The following NRG3 variants were observed in gnomAD, a reference collection of about 807,000 sequenced individuals.
NRG3 encodes pro-neuregulin-3, membrane-bound isoform.
NRG3 carries 31 observed loss-of-function variants against 66.9 expected under a neutral mutation model. The observed-to-expected ratio is 0.46, with a 90% CI of 0.35 to 0.63. NRG3 has a LOEUF of 0.63. Among genes scored for constraint, NRG3 ranks in the 20% least tolerant of loss-of-function variants. The probability of loss-of-function intolerance (pLI) is 0.00; values close to 1 mark genes in which losing one functional copy is unlikely to be tolerated. For synonymous variants in NRG3, 393 were observed against 359.4 expected (o/e 1.09, Z -1.06); for missense variants, 910 against 878.9 (o/e 1.04, Z -0.45).
At chr10:82,892,869 T>A (rs1186384701) in intron 4 of NRG3, among the ~76,000 whole-genome samples, 1 of 151,938 alleles carries the variant, frequency 6.6e-6, no homozygotes, top group African/African-American at 2.4e-5. Context: ...AATAAAATGT[T>A]TACCTAACTA....
intron 1 of NRG3, among the ~76,000 whole-genome samples, chr10:82,049,213 A>G (rs1346081837): frequency 2.0e-5 from 3 of 152,080 alleles, no homozygotes; most frequent in African/African-American, 4.8e-5. Flanking sequence ...TCTTCAAGTA[A>G]GGCTTTGATA....
chr10:82,397,481 C>G (rs1393999572), intron 2 of NRG3, among the ~76,000 whole-genome samples: 1 of 152,040 alleles, frequency 6.6e-6, no homozygotes, highest in Non-Finnish European at 1.5e-5. Context: ...CATAGTGAGC[C>G]AATTAGGAAG....
chr10:82,384,111 C>T (rs2085814895), intron 2 of NRG3, among the ~76,000 whole-genome samples: 1 of 151,828 alleles, frequency 6.6e-6, no homozygotes, highest in Non-Finnish European at 1.5e-5. Context: ...CACTTAATAC[C>T]TTAATACCAT....
intron 2 of NRG3, among the ~76,000 whole-genome samples, chr10:82,635,929 G>C (rs1417335836): frequency 1.3e-5 from 2 of 152,136 alleles, no homozygotes; most frequent in African/African-American, 4.8e-5. Flanking sequence ...AGTGGTGTCA[G>C]AGTTGAAGTG....
intron 2 of NRG3, among the ~76,000 whole-genome samples, chr10:82,423,614 T>C (rs1374085967): frequency 1.3e-5 from 2 of 151,938 alleles, no homozygotes; most frequent in African/African-American, 2.4e-5. Context: ...TTCATGAAAT[T>C]ATGGTGACAC....
At chr10:82,161,098 TA>T (rs1161911060) in intron 1 of NRG3, among the ~76,000 whole-genome samples, 1 of 151,928 alleles carries the variant, frequency 6.6e-6, no homozygotes. Context: ...AGGGAAGTAT[TA>T]AAAAACTAAG....
rs895727744 is a variant in NRG3 at position 82,530,227 on chromosome 10, G to A, written c.953+171359G>A. On this transcript the variant is annotated intron_variant, in intron 2 of 8. Coordinates refer to ENST00000372141, the MANE Select transcript of NRG3 (RefSeq NM_001010848.4). The stretch of plus-strand genomic sequence containing the variant: ...GAATGATTCTTGTGTCATGATAAAG[G>A]CAATGTTCTTATTAAATTATGGAAG... Among the ~76,000 whole-genome samples the A allele has an allele frequency of 2.0e-5, 3 of 152,054 alleles. No individual in the cohort carries two copies. The East Asian group carries it at 5.8e-4, about 29-fold the overall frequency.
intron 6 of NRG3, among the ~76,000 whole-genome samples, chr10:82,973,473 T>C (rs1851954686): frequency 6.6e-6 from 1 of 152,184 alleles, no homozygotes; most frequent in Non-Finnish European, 1.5e-5. Flanking sequence ...TAAAACATAC[T>C]TGTAAGTGCC....
chr10:82,156,872 C>G (rs1016244284), intron 1 of NRG3, among the ~76,000 whole-genome samples: 9 of 151,544 alleles, frequency 5.9e-5, no homozygotes, highest in African/African-American at 2.2e-4. Flanking sequence ...TCATTAATAT[C>G]CCATAAGAAG....
At chr10:82,859,091 C>G (rs994780603) in intron 3 of NRG3, 1 of 152,188 alleles carries the variant, frequency 6.6e-6, no homozygotes, top group African/African-American at 2.4e-5. Context: ...GGACTACAGG[C>G]GCCCGCCACC....
At chr10:82,810,578 C>A (rs1484603716) in intron 3 of NRG3, among the ~76,000 whole-genome samples, 1 of 151,798 alleles carries the variant, frequency 6.6e-6, no homozygotes, top group South Asian at 2.1e-4. Context: ...GCCTGGCCAA[C>A]GTGGTGAAAC....
At chr10:82,345,759 A>C (rs1376969108) in intron 1 of NRG3, among the ~76,000 whole-genome samples, 2,329 of 150,990 alleles carry the variant, frequency 0.015, 65 homozygotes, top group African/African-American at 0.054. Context: ...GTTTGTAGTT[A>C]TCCTTGAAGA....
chr10:82,140,513 A>C (rs1444292549), intron 1 of NRG3, among the ~76,000 whole-genome samples: 4 of 152,150 alleles, frequency 2.6e-5, no homozygotes, highest in Non-Finnish European at 5.9e-5. Context: ...TCATTTATTA[A>C]ATGAGTTTCC....
chr10:82,367,147 T>G (rs1016356631), intron 2 of NRG3, among the ~76,000 whole-genome samples: 3 of 152,130 alleles, frequency 2.0e-5, no homozygotes, highest in Admixed American at 6.6e-5. Context: ...CACGGAGACG[T>G]GCACACACTC....
intron 2 of NRG3, among the ~76,000 whole-genome samples, chr10:82,622,320 G>A (rs1395010287): frequency 6.6e-6 from 1 of 151,652 alleles, no homozygotes; most frequent in Non-Finnish European, 1.5e-5. Flanking sequence ...AGGAGGTGGG[G>A]GTGGGAGGTC....
chr10:82,921,074 C>T (rs1371255378), intron 4 of NRG3, among the ~76,000 whole-genome samples: 1 of 151,500 alleles, frequency 6.6e-6, no homozygotes, highest in African/African-American at 2.4e-5. Flanking sequence ...AAAAAAGTAA[C>T]ATTACAATTG....
chr10:82,019,292 G>A (rs1281310453), intron 1 of NRG3, among the ~76,000 whole-genome samples: 1 of 152,148 alleles, frequency 6.6e-6, no homozygotes, highest in Non-Finnish European at 1.5e-5. Context: ...AAGCCCACTT[G>A]ATCATGGTGG....
At chr10:82,331,755 T>C (rs1246088931) in intron 1 of NRG3, among the ~76,000 whole-genome samples, 1 of 152,214 alleles carries the variant, frequency 6.6e-6, no homozygotes, top group Non-Finnish European at 1.5e-5. Flanking sequence ...AAGTGGACCA[T>C]GGTTTTACAT....
At chr10:82,268,560 T>G (rs2078426602) in intron 1 of NRG3, among the ~76,000 whole-genome samples, 1 of 152,190 alleles carries the variant, frequency 6.6e-6, no homozygotes, top group African/African-American at 2.4e-5. Flanking sequence ...TTATATATTT[T>G]TTATCAAGAT....
Sources: allele counts gnomAD v4.1 joint callset (sites outside exome capture counted in the v4.1 genomes callset), GRCh38; gene constraint gnomAD v4.1.1; transcripts MANE v1.5; gene names NCBI Gene and HGNC (gene_info 2026-07-23, HGNC 2026-07-21).